The following CDH18 variants were observed in gnomAD, a reference collection of about 807,000 sequenced individuals.
The protein encoded by CDH18 is cadherin-18.
CDH18 carries 31 observed loss-of-function variants against 67.9 expected under a neutral mutation model. That is an observed-to-expected ratio of 0.46 (90% CI 0.34 to 0.62). The LOEUF is 0.62. Ranked by LOEUF, CDH18 falls within the 20% of genes least tolerant of loss-of-function variation. The pLI, the probability that CDH18 is intolerant of heterozygous loss-of-function variation, is 0.01. For missense variants in CDH18, 890 were observed against 975.5 expected, an observed-to-expected ratio of 0.91 and a Z score of 1.17; for synonymous variants, 362 against 347.2, an observed-to-expected ratio of 1.04 and a Z score of -0.48.
chr5:19,814,845 G>A (rs964341458), intron 3 of CDH18, among the ~76,000 whole-genome samples: 4 of 84,218 alleles, frequency 4.7e-5, no homozygotes, highest in Non-Finnish European at 1.1e-4. Context: ...TAGCAAAATT[G>A]TTACACACAC....
intron 5 of CDH18, among the ~76,000 whole-genome samples, chr5:19,694,147 G>A (rs1489371859): frequency 2.6e-5 from 4 of 152,026 alleles, no homozygotes; most frequent in Non-Finnish European, 5.9e-5. Context: ...ACATCAATAG[G>A]TCTAATTTCG....
chr5:19,662,202 AT>A (rs1205580482), intron 5 of CDH18, among the ~76,000 whole-genome samples: 1 of 151,310 alleles, frequency 6.6e-6, no homozygotes, highest in Non-Finnish European at 1.5e-5. Flanking sequence ...AAAGATATAT[AT>A]TCTTTTAAAA....
intron 1 of CDH18, among the ~76,000 whole-genome samples, chr5:20,296,583 A>ATGT (rs1456550386): frequency 1.3e-5 from 2 of 152,132 alleles, no homozygotes; most frequent in Non-Finnish European, 2.9e-5. Flanking sequence ...ATAGTATTAT[A>ATGT]TGTTACTAAA....
chr5:20,026,708 A>G (rs1381309518), intron 2 of CDH18, among the ~76,000 whole-genome samples: 1 of 152,158 alleles, frequency 6.6e-6, no homozygotes, highest in Non-Finnish European at 1.5e-5. Flanking sequence ...ATAGCTTCAC[A>G]TAATAAAATT....
intron 1 of CDH18, among the ~76,000 whole-genome samples, chr5:20,295,895 G>A (rs1747465234): frequency 7.7e-6 from 1 of 129,772 alleles, no homozygotes; most frequent in African/African-American, 2.9e-5. Flanking sequence ...TTTTGAGACG[G>A]AGTCTCACTC....
chr5:19,533,532 TG>T (rs1167059008), intron 9 of CDH18, among the ~76,000 whole-genome samples: 1 of 152,192 alleles, frequency 6.6e-6, no homozygotes. Flanking sequence ...AGGTTTTGTT[TG>T]CTTTGCATGA....
intron 2 of CDH18, among the ~76,000 whole-genome samples, chr5:19,870,972 A>G (rs892769433): frequency 1.3e-5 from 2 of 152,102 alleles, no homozygotes; most frequent in Non-Finnish European, 2.9e-5. Flanking sequence ...TTTAGCTGAC[A>G]TCATTTGATC....
chr5:19,622,481 A>G (rs1750868405), intron 5 of CDH18, among the ~76,000 whole-genome samples: 1 of 152,172 alleles, frequency 6.6e-6, no homozygotes, highest in African/African-American at 2.4e-5. Flanking sequence ...CAATAGTCCC[A>G]TCAGTCATCT....
intron 2 of CDH18, among the ~76,000 whole-genome samples, chr5:20,006,508 A>G (rs1305973222): frequency 6.6e-6 from 1 of 152,000 alleles, no homozygotes; most frequent in Non-Finnish European, 1.5e-5. Context: ...ACAGCAACCA[A>G]GATGCTCATT....
chr5:20,283,187 A>G (rs1746420308), intron 1 of CDH18, among the ~76,000 whole-genome samples: 1 of 152,144 alleles, frequency 6.6e-6, no homozygotes, highest in Non-Finnish European at 1.5e-5. Context: ...TCTCCAGGAC[A>G]TGGGACTGGG....
intron 7 of CDH18, among the ~76,000 whole-genome samples, chr5:19,588,778 C>CA (rs964227466): frequency 1.3e-5 from 2 of 151,526 alleles, no homozygotes; most frequent in East Asian, 1.9e-4. Context: ...GACTTTAAGC[C>CA]AAAAAAGATC....
chr5:19,918,335 C>T (rs1320411364), intron 2 of CDH18, among the ~76,000 whole-genome samples: 1 of 152,122 alleles, frequency 6.6e-6, no homozygotes, highest in Non-Finnish European at 1.5e-5. Context: ...ATTTTACTGA[C>T]TGAATTTAAT....
At chr5:19,552,114 T>C (rs1737559569) in intron 8 of CDH18, among the ~76,000 whole-genome samples, 2 of 152,158 alleles carry the variant, frequency 1.3e-5, no homozygotes, top group African/African-American at 4.8e-5. Context: ...TCCAGGCCAG[T>C]ATGTTTTCAT....
chr5:20,341,183 T>C (rs1740228572), intron 1 of CDH18, among the ~76,000 whole-genome samples: 1 of 152,138 alleles, frequency 6.6e-6, no homozygotes, highest in Non-Finnish European at 1.5e-5. Context: ...ATCCTGAGTG[T>C]GTCTGTGAGG....
chr5:20,375,471 G>T (rs562190623), intron 1 of CDH18, among the ~76,000 whole-genome samples: 2 of 152,260 alleles, frequency 1.3e-5, no homozygotes, highest in East Asian at 3.9e-4. Context: ...GGGGGGCAGG[G>T]AAGTTTGTGA....
intron 5 of CDH18, among the ~76,000 whole-genome samples, chr5:19,691,010 T>C (rs773487492): frequency 2.6e-5 from 4 of 151,826 alleles, no homozygotes; most frequent in Admixed American, 6.6e-5. Context: ...TGAACATAAA[T>C]GCAAAAATCT....
At chr5:19,697,575 T>TA (rs1762692523) in intron 5 of CDH18, among the ~76,000 whole-genome samples, 3 of 152,136 alleles carry the variant, frequency 2.0e-5, no homozygotes, top group Admixed American at 6.5e-5. Context: ...CACAATAATA[T>TA]AAAAAATCAT....
intron 5 of CDH18, among the ~76,000 whole-genome samples, chr5:19,691,026 A>G (rs1182052613): frequency 1.3e-5 from 2 of 151,964 alleles, no homozygotes; most frequent in African/African-American, 4.8e-5. Flanking sequence ...AATCTTCAAT[A>G]AAATATTAAC....
At chr5:20,380,613 A>AGGTATTAG (rs1196888372) in intron 1 of CDH18, among the ~76,000 whole-genome samples, 1 of 152,188 alleles carries the variant, frequency 6.6e-6, no homozygotes, top group African/African-American at 2.4e-5. Flanking sequence ...CACAACAGAT[A>AGGTATTAG]GGTATTAGTT....
Sources: gnomAD v4.1 joint callset for allele counts (sites outside exome capture counted in the v4.1 genomes callset) on GRCh38, gnomAD v4.1.1 for gene constraint, MANE v1.5 for transcripts, NCBI Gene and HGNC (gene_info 2026-07-23, HGNC 2026-07-21) for gene names.